CACNA2D3: variants seen among roughly 807,000 people sequenced by gnomAD.
CACNA2D3 encodes calcium voltage-gated channel auxiliary subunit alpha2delta 3.
Under a neutral mutation model 160.6 loss-of-function variants are expected in CACNA2D3, and 60 were observed. That is an observed-to-expected ratio of 0.37 (90% CI 0.30 to 0.46). The LOEUF is 0.46. CACNA2D3 is among the 20% of genes least tolerant of loss of function. The pLI is 1.00. For synonymous variants in CACNA2D3, 558 were observed against 492.9 expected (o/e 1.13, Z -1.75); for missense variants, 1,205 against 1,365.0 (o/e 0.88, Z 1.85).
At chr3:54,888,140 T>C in intron 24 of CACNA2D3, 88 bp downstream of exon 24, 2 of 1,047,398 alleles carry the variant, frequency 1.9e-6, no homozygotes, top group South Asian at 1.3e-5. Context: ...TAAACTGTTT[T>C]AGGAACCTGG....
Position 54,837,231 on chromosome 3 carries a change from G to T in CACNA2D3, c.1470+1G>T. Reference sequence around the variant, plus strand: ...TGTGTTTAGTAAGCAGAACGAAACCGTGAGTACAGTCGCTGAGCTTCCTGC... The same window carrying T: ...TGTGTTTAGTAAGCAGAACGAAACCTTGAGTACAGTCGCTGAGCTTCCTGC... On this transcript the variant is annotated splice_donor_variant, in intron 15 of 37. Transcript: ENST00000474759. LOFTEE classifies it high-confidence loss of function. 1 of 1,613,482 alleles carries T rather than the reference G, an allele frequency of 6.2e-7. No individual in the cohort carries two copies. Among genetic ancestry groups the T allele is most frequent in the Non-Finnish European group, 8.5e-7 (1 of 1,179,418 alleles).
intron 2 of CACNA2D3, among the ~76,000 whole-genome samples, chr3:54,196,182 T>G (rs1009291560): frequency 6.6e-6 from 1 of 152,272 alleles, no homozygotes; most frequent in Non-Finnish European, 1.5e-5. Context: ...TATTACTTTA[T>G]TCTAAACCAT....
At chr3:54,909,290 G>T (rs1406170820) in intron 27 of CACNA2D3, among the ~76,000 whole-genome samples, 1 of 151,940 alleles carries the variant, frequency 6.6e-6, no homozygotes, top group Non-Finnish European at 1.5e-5. Context: ...GCCCTCACAT[G>T]CTTTGGTGGA....
chr3:54,341,173 GT>G (rs1165783301), intron 3 of CACNA2D3, among the ~76,000 whole-genome samples: 7 of 152,284 alleles, frequency 4.6e-5, no homozygotes, highest in Admixed American at 3.3e-4. Flanking sequence ...CTTCTCCTAT[GT>G]TGCTTAAGCA....
rs186431225 is a variant in CACNA2D3 at position 54,171,002 on chromosome 3, G to A, written c.204+47408G>A. 2.0e-4 allele frequency among the ~76,000 whole-genome samples: 31 copies of A among 152,144 alleles called. No homozygotes were observed. In the East Asian group the frequency reaches 5.8e-3, roughly 28 times the overall value. On this transcript the variant is annotated intron_variant, in intron 2 of 37. Transcript: ENST00000474759. ...GCCTAGACAGGGGGCCTGACCGTCC[G>A]ACTCAGGGAGGAGAAAGCGTGTGGA... is the stretch of plus-strand genomic sequence containing the variant.
At chr3:54,519,000 C>T (rs1439011466) in intron 5 of CACNA2D3, among the ~76,000 whole-genome samples, 1 of 14,536 alleles carries the variant, frequency 6.9e-5, no homozygotes, top group African/African-American at 3.3e-4. Flanking sequence ...CTAAGAACCT[C>T]ACAGGGTGTG....
At chr3:55,019,520 C>A (rs1245327905) in intron 35 of CACNA2D3, among the ~76,000 whole-genome samples, 1 of 152,018 alleles carries the variant, frequency 6.6e-6, no homozygotes, top group African/African-American at 2.4e-5. Context: ...CATAGTTTTT[C>A]TTCTATCATA....
chr3:55,074,208 A>G lies in CACNA2D3; in HGVS notation c.*2A>G, dbSNP rs764932448. The stretch of plus-strand genomic sequence containing the variant: ...CTTTTGATGCTCTTCTCAAGGTGAC[A>G]CTGACTGAGATGTTCTCTTACTGAC... On this transcript the variant is annotated 3_prime_UTR_variant, in exon 38 of 38. Transcript: ENST00000474759. 2 of 1,023,642 alleles carry G rather than the reference A, an allele frequency of 2.0e-6. No individual in the cohort carries two copies. The highest frequency in any genetic ancestry group is 1.5e-5 in the South Asian group (1 of 68,264). The allele number at this position is 1,023,642 out of a possible 1,614,324, so 63.4% of individuals were successfully genotyped here. A position where few individuals can be genotyped will look rare whatever the true frequency, so the allele number is the denominator to read the frequency against.
intron 5 of CACNA2D3, among the ~76,000 whole-genome samples, chr3:54,552,531 G>T (rs12633481): frequency 1.3e-5 from 2 of 152,114 alleles, no homozygotes; most frequent in African/African-American, 4.8e-5. Context: ...GCAAACTTCC[G>T]CTTTGAGCAA....
At chr3:54,274,394 A>G (rs35191581) in intron 2 of CACNA2D3, among the ~76,000 whole-genome samples, 1 of 152,050 alleles carries the variant, frequency 6.6e-6, no homozygotes, top group Non-Finnish European at 1.5e-5. Flanking sequence ...GCCCACTTCA[A>G]GTGCAAGTCT....
At chr3:54,246,782 A>AT (rs1044621055) in intron 2 of CACNA2D3, among the ~76,000 whole-genome samples, 39 of 152,262 alleles carry the variant, frequency 2.6e-4, no homozygotes, top group African/African-American at 9.1e-4. Context: ...ACTATCATAA[A>AT]TTTTTTTAAC....
chr3:54,646,124 TTTCTTCCTTC>T (rs1699631897), intron 11 of CACNA2D3, among the ~76,000 whole-genome samples: 1 of 70,146 alleles, frequency 1.4e-5, no homozygotes, highest in Non-Finnish European at 3.8e-5. Context: ...CCTTCCTTCC[TTTCTTCCTTC>T]CTTCCTTCCT....
intron 10 of CACNA2D3, among the ~76,000 whole-genome samples, chr3:54,628,401 G>A (rs1699168275): frequency 2.6e-5 from 4 of 152,218 alleles, no homozygotes; most frequent in African/African-American, 9.7e-5. Flanking sequence ...GCTAGGGAAT[G>A]AGACCATGGA....
chr3:54,980,775 G>A (rs1702489709), intron 29 of CACNA2D3, among the ~76,000 whole-genome samples: 1 of 152,076 alleles, frequency 6.6e-6, no homozygotes, highest in Non-Finnish European at 1.5e-5. Context: ...AATCAAAGAA[G>A]CAGTTTATGA....
At chr3:54,773,213 A>G (rs1997463) in intron 13 of CACNA2D3, among the ~76,000 whole-genome samples, 52,568 of 152,132 alleles carry the variant, frequency 0.35, 10,529 homozygotes, top group African/African-American at 0.56. Flanking sequence ...TCAGTTTCCC[A>G]TCTAGGAATG....
At chr3:54,213,891 T>C (rs1024729020) in intron 2 of CACNA2D3, among the ~76,000 whole-genome samples, 3 of 152,206 alleles carry the variant, frequency 2.0e-5, no homozygotes, top group East Asian at 3.9e-4. Context: ...CTTGAACACC[T>C]TGCTGATAGA....
intron 35 of CACNA2D3, among the ~76,000 whole-genome samples, chr3:55,024,470 G>C (rs1448655686): frequency 6.6e-6 from 1 of 152,092 alleles, no homozygotes; most frequent in Non-Finnish European, 1.5e-5. Context: ...GAGATGATTA[G>C]ATCATGAGGT....
At chr3:54,384,597 C>T (rs1699158768) in intron 3 of CACNA2D3, among the ~76,000 whole-genome samples, 1 of 152,178 alleles carries the variant, frequency 6.6e-6, no homozygotes. Context: ...GCCCACTTAC[C>T]TGATCTTTGT....
intron 11 of CACNA2D3, among the ~76,000 whole-genome samples, chr3:54,654,483 A>G (rs1699838575): frequency 6.6e-6 from 1 of 152,132 alleles, no homozygotes; most frequent in Non-Finnish European, 1.5e-5. Context: ...TGAAAGGACA[A>G]AAGATAACTC....
Sources: gnomAD v4.1 joint callset for allele counts (sites outside exome capture counted in the v4.1 genomes callset) on GRCh38, gnomAD v4.1.1 for gene constraint, MANE v1.5 for transcripts, NCBI Gene and HGNC (gene_info 2026-07-23, HGNC 2026-07-21) for gene names.